Variants in HTR2B observed in about 807,000 individuals in gnomAD.
HTR2B encodes the protein 5-hydroxytryptamine receptor 2B, also known as 5-HT 2B receptor.
In HTR2B, 31 loss-of-function variants were observed where a neutral mutation model predicts 39.8. The ratio of observed to expected loss-of-function variants is 0.78; its 90% CI spans 0.58 to 1.05. The LOEUF is 1.05. HTR2B is among the 50% of genes least tolerant of loss of function. The pLI is 0.00. For missense variants in HTR2B, 562 were observed against 578.0 expected (o/e 0.97, Z 0.28); for synonymous variants, 210 against 207.1 (o/e 1.01, Z -0.12).
intron 2 of HTR2B, among the ~76,000 whole-genome samples, chr2:231,115,817 C>T (rs1342563546): frequency 6.6e-6 from 1 of 152,140 alleles, no homozygotes; most frequent in African/African-American, 2.4e-5. Context: ...TGAGGATCGG[C>T]ATCACCTGGG....
At chr2:231,124,335 G>A (rs1006228293) in intron 1 of HTR2B, among the ~76,000 whole-genome samples, 1 of 152,096 alleles carries the variant, frequency 6.6e-6, no homozygotes, top group Non-Finnish European at 1.5e-5. Context: ...ATAATAAAAA[G>A]TTAGGTGTTT....
intron 2 of HTR2B, among the ~76,000 whole-genome samples, chr2:231,119,410 G>T (rs1309854468): frequency 2.6e-5 from 4 of 152,138 alleles, no homozygotes; most frequent in African/African-American, 4.8e-5. Context: ...AATAATAAGT[G>T]ATTGAACTCT....
At chr2:231,119,060 T>C (rs1695442187) in intron 2 of HTR2B, among the ~76,000 whole-genome samples, 1 of 152,250 alleles carries the variant, frequency 6.6e-6, no homozygotes, top group South Asian at 2.1e-4. Context: ...TTTGAGCATA[T>C]GAGTTATCCT....
At chr2:231,117,441 A>G (rs1048987222) in intron 2 of HTR2B, among the ~76,000 whole-genome samples, 46 of 151,998 alleles carry the variant, frequency 3.0e-4, no homozygotes, top group African/African-American at 1.0e-3. Flanking sequence ...TCTAAATTAG[A>G]CTCTTTCATT....
chr2:231,119,636 C>T (rs550413942), intron 2 of HTR2B, among the ~76,000 whole-genome samples: 286 of 152,076 alleles, frequency 1.9e-3, no homozygotes, highest in Non-Finnish European at 3.0e-3. Context: ...TTTGGGAGGC[C>T]GAGGCAGGTG....
chr2:231,123,301 A>G, intron 2 of HTR2B, 112 bp downstream of exon 2: 1 of 817,732 alleles, frequency 1.2e-6, no homozygotes, highest in Non-Finnish European at 2.1e-6. Context: ...ATCTTTAAAT[A>G]GTCCAAGTTC....
intron 3 of HTR2B, among the ~76,000 whole-genome samples, chr2:231,111,855 A>G (rs1695166596): frequency 6.6e-6 from 1 of 152,164 alleles, no homozygotes; most frequent in African/African-American, 2.4e-5. Flanking sequence ...TGCATCACTC[A>G]TCACTTTGTG....
At position 231,109,190 on chromosome 2, in the gene HTR2B, CGTTGAGGTGGCTTGTTTTTGACTAA is replaced by C; in HGVS notation, c.748_772del (p.Leu250AlafsTer2). Reference sequence around the variant, plus strand: ...TGTAGACACAGTCAACCATGTTAGGCGTTGAGGTGGCTTGTTTTTGACTAAGTAAGCCTTCTTCTGTAAAGCATGG... The same window carrying C: ...TGTAGACACAGTCAACCATGTTAGGCGTAAGCCTTCTTCTGTAAAGCATGG... On this transcript the variant is annotated frameshift_variant, in exon 4 of 4. Transcript: ENST00000258400. LOFTEE classifies it high-confidence loss of function. 1 of 1,614,106 alleles carries C rather than the reference CGTTGAGGTGGCTTGTTTTTGACTAA, an allele frequency of 6.2e-7. No homozygotes were observed. The highest frequency in any genetic ancestry group is 8.5e-7 in the Non-Finnish European group (1 of 1,180,022).
Position 231,123,480 on chromosome 2 carries a change from G to C in HTR2B, c.285C>G (p.Ser95=), listed in dbSNP as rs1695619763. ...LQYATNYFLM[S]LAVADLLVGL... ...CAACCAGCAAATCAGCCACCGCCAAGGACATTAGAAAGTAATTAGTAGCAT... is the reference window on the plus strand; with the variant it reads ...CAACCAGCAAATCAGCCACCGCCAACGACATTAGAAAGTAATTAGTAGCAT... The change falls in exon 2 of 4, where the codon TCC becomes TCG. Residue 95 remains serine (S), a synonymous_variant. Coordinates refer to ENST00000258400, the MANE Select transcript of HTR2B (RefSeq NM_000867.5). The C allele has an allele frequency of 4.3e-6, 7 of 1,613,916 alleles. No homozygotes were observed. The East Asian group carries it at 1.6e-4, about 36-fold the overall frequency.
At chr2:231,113,985 T>G in intron 2 of HTR2B, 56 bp from the exon 3 acceptor site, 1 of 1,420,874 alleles carries the variant, frequency 7.0e-7, no homozygotes, top group Non-Finnish European at 9.9e-7. Flanking sequence ...CAACTTTCAG[T>G]CTACAGTTTT....
At chr2:231,122,460 G>A (rs982714147) in intron 2 of HTR2B, among the ~76,000 whole-genome samples, 5 of 152,016 alleles carry the variant, frequency 3.3e-5, no homozygotes, top group Non-Finnish European at 7.4e-5. Flanking sequence ...ATAATTCTAA[G>A]AAACTATATC....
chr2:231,124,951 A>G (rs1695684154), intron 1 of HTR2B, 21 bp downstream of exon 1: 1 of 152,014 alleles, frequency 6.6e-6, no homozygotes, highest in African/African-American at 2.4e-5. Context: ...TTAATTCCAT[A>G]TGTGTTTATT....
At position 231,123,589 on chromosome 2, in the gene HTR2B, A is replaced by C. The variant is rs772802837; in HGVS notation, c.176T>G (p.Leu59Arg). 1.9e-6 allele frequency: 3 copies of C among 1,613,962 alleles called. No individual in the cohort carries two copies. The highest frequency in any genetic ancestry group is 1.7e-6 in the Non-Finnish European group (2 of 1,179,902). Residue 59 changes from leucine (L) to arginine (R), a missense_variant, in exon 2 of 4, where the codon CTT becomes CGT. Coordinates refer to ENST00000258400, the MANE Select transcript of HTR2B (RefSeq NM_000867.5). ...EQGNKLHWAA[L>R]LILMVIIPTI... ...GGGTATTATCACCATGAGTATCAGA[A>C]GAGCTGCCCAGTGCAGTTTATTTCC...
Position 231,109,353 on chromosome 2 carries a change from T to C in HTR2B, c.610A>G (p.Asn204Asp). The C allele has an allele frequency of 6.2e-7, 1 of 1,614,122 alleles. No individual in the cohort carries two copies. Among genetic ancestry groups the C allele is most frequent in the South Asian group, 1.1e-5 (1 of 91,062 alleles). The change falls in exon 4 of 4, where the codon AAT (asparagine) becomes GAT (aspartate). Residue 204 changes from asparagine (N) to aspartate (D), a missense_variant. Transcript: ENST00000258400. ...GIETDVDNPN[N>D]ITCVLTKERF... is the part of the protein sequence containing the mutation. ...TCCTTTGTCAGCACACAAGTGATAT[T>C]GTTTGGGTTGTCCACATCAGTCTCT...
intron 2 of HTR2B, among the ~76,000 whole-genome samples, chr2:231,120,514 T>C (rs1217006624): frequency 1.3e-5 from 2 of 152,148 alleles, no homozygotes; most frequent in Non-Finnish European, 2.9e-5. Flanking sequence ...GGCAGAAAAA[T>C]TGACCTAGCA....
At chr2:231,114,368 T>A (rs899674811) in intron 2 of HTR2B, among the ~76,000 whole-genome samples, 2 of 152,228 alleles carry the variant, frequency 1.3e-5, no homozygotes, top group African/African-American at 4.8e-5. Context: ...CGTATTAGAA[T>A]GGGAGTCTCT....
intron 2 of HTR2B, among the ~76,000 whole-genome samples, chr2:231,118,236 T>C (rs60707561): frequency 0.035 from 5,363 of 152,216 alleles, 112 homozygotes; most frequent in East Asian, 0.11. Context: ...CAATAAATGT[T>C]AGTGCTTATT....
intron 2 of HTR2B, among the ~76,000 whole-genome samples, chr2:231,116,050 TGGGAG>T (rs1695320461): frequency 6.6e-6 from 1 of 152,128 alleles, no homozygotes; most frequent in African/African-American, 2.4e-5. Flanking sequence ...AAGGAACTAA[TGGGAG>T]GCCTCTCAGA....
At chr2:231,119,806 G>A (rs1252946269) in intron 2 of HTR2B, among the ~76,000 whole-genome samples, 2 of 144,378 alleles carry the variant, frequency 1.4e-5, no homozygotes, top group Non-Finnish European at 3.0e-5. Context: ...GTGGGTGGAG[G>A]TTGCAGTGAA....
Sources: allele counts gnomAD v4.1 joint callset (sites outside exome capture counted in the v4.1 genomes callset), GRCh38; gene constraint gnomAD v4.1.1; transcripts MANE v1.5; gene names NCBI Gene and HGNC (gene_info 2026-07-23, HGNC 2026-07-21).